Variants in RGS14 observed in about 807,000 individuals in gnomAD.
RGS14 encodes regulator of G-protein signaling 14.
Under a neutral mutation model 63.8 loss-of-function variants are expected in RGS14, and 33 were observed. The ratio of observed to expected loss-of-function variants is 0.52; its 90% CI spans 0.39 to 0.69. RGS14 has a LOEUF of 0.69. RGS14 is among the 30% of genes least tolerant of loss of function. The probability of loss-of-function intolerance (pLI) is 0.00; values close to 1 mark genes in which losing one functional copy is unlikely to be tolerated. For synonymous variants in RGS14, 296 were observed against 320.9 expected (o/e 0.92, Z 0.83); for missense variants, 739 against 742.9 (o/e 0.99, Z 0.06).
intron 5 of RGS14, 163 bp from the exon 6 acceptor site, chr5:177,367,251 G>C (rs933206583): frequency 8.7e-7 from 1 of 1,146,280 alleles, no homozygotes; most frequent in Non-Finnish European, 1.2e-6. Context: ...CTCGGGGCGG[G>C]CTTGGACCCC....
chr5:177,366,102 C>A (rs2127330652), intron 2 of RGS14, 75 bp from the exon 3 acceptor site: 6 of 1,575,856 alleles, frequency 3.8e-6, no homozygotes, highest in South Asian at 3.3e-5. Context: ...AGAGTGGATG[C>A]ATGGGGGAGG....
rs1377061992 is a variant in RGS14 at position 177,368,260 on chromosome 5, A to C, written c.843A>C (p.Lys281Asn). 1 of 1,611,372 alleles carries C rather than the reference A, an allele frequency of 6.2e-7. No individual in the cohort carries two copies. Among genetic ancestry groups the C allele is most frequent in the Non-Finnish European group, 8.5e-7 (1 of 1,178,170 alleles). ...DLGFLAFVSSKSESHRKSLGS... is the reference protein window; with the variant it reads ...DLGFLAFVSSNSESHRKSLGS... Reference sequence around the variant, plus strand: ...GCTTCCTAGCCTTCGTCAGCAGCAAATCTGAGGTGAGCCGACTGTTGGGGA... The same window carrying C: ...GCTTCCTAGCCTTCGTCAGCAGCAACTCTGAGGTGAGCCGACTGTTGGGGA... The change falls in exon 8 of 15, where the codon AAA becomes AAC. Residue 281 changes from lysine (K) to asparagine (N), a missense_variant. Physicochemically the swap from Lys to Asn is moderately conservative, Grantham distance 94. Coordinates refer to ENST00000408923, the MANE Select transcript of RGS14 (RefSeq NM_006480.5).
At chr5:177,369,939 C>T (rs575881468) in intron 9 of RGS14, among the ~76,000 whole-genome samples, 15 of 152,364 alleles carry the variant, frequency 9.8e-5, no homozygotes, top group Admixed American at 2.6e-4. Context: ...ACCCCCACAT[C>T]AGGCTGGAGC....
chr5:177,368,331 C>CGTG, intron 8 of RGS14, 65 bp downstream of exon 8: 1 of 1,480,040 alleles, frequency 6.8e-7, no homozygotes, highest in Non-Finnish European at 9.1e-7. Flanking sequence ...GGCCCATTTA[C>CGTG]GTGGTGGCCC....
rs1436188653 is a variant in RGS14, at chr5:177,370,596, G to A, written c.1059G>A (p.Leu353=). The A allele has an allele frequency of 5.6e-6, 9 of 1,613,858 alleles. No individual in the cohort carries two copies. Among genetic ancestry groups the A allele is most frequent in the Non-Finnish European group, 7.6e-6 (9 of 1,179,924 alleles). The change falls in exon 10 of 15, where the codon CTG becomes CTA. Residue 353 remains leucine (L), a synonymous_variant. Transcript: ENST00000408923. ...CTGCCTGGCATCCACAGAAGGCCCT[G>A]GTCCTGGATCAGGACTGCACCGTGC... ...KVYLVGNEQA[L]VLDQDCTVLA... is the part of the protein sequence containing the mutation.
chr5:177,362,991 G>A (rs1195522450), intron 1 of RGS14, among the ~76,000 whole-genome samples: 1 of 152,192 alleles, frequency 6.6e-6, no homozygotes, highest in East Asian at 1.9e-4. Context: ...GAGGAGGGCA[G>A]GGCCAAGCAG....
At chr5:177,360,994 T>G (rs1239704256) in intron 1 of RGS14, among the ~76,000 whole-genome samples, 1 of 152,204 alleles carries the variant, frequency 6.6e-6, no homozygotes, top group Admixed American at 6.5e-5. Context: ...GGCCTGGCTG[T>G]GGGCAAACAC....
chr5:177,369,366 T>C (rs1762185586), intron 9 of RGS14, among the ~76,000 whole-genome samples: 1 of 152,202 alleles, frequency 6.6e-6, no homozygotes, highest in Admixed American at 6.5e-5. Flanking sequence ...GAAAACTGGC[T>C]TTAAAGGAAA....
rs1761949938 is a variant in RGS14, at chr5:177,360,861, C to CTGG, written c.45+2792_45+2793insTGG. 5.9e-5 allele frequency among the ~76,000 whole-genome samples: 9 copies of CTGG among 152,270 alleles called. No individual in the cohort carries two copies. The South Asian group carries it at 1.9e-3, about 32-fold the overall frequency. On this transcript the variant is annotated intron_variant, in intron 1 of 14. Transcript: ENST00000408923. ...CTGGGAGGCAGAGGTTGCAGTGAGC[C>CTGG]GAGTTCGTGCTACTGCACTCCAGCC... is the stretch of plus-strand genomic sequence containing the variant.
At chr5:177,368,419 A>G (rs1762161034) in intron 8 of RGS14, among the ~76,000 whole-genome samples, 153 bp downstream of exon 8, 1 of 152,120 alleles carries the variant, frequency 6.6e-6, no homozygotes, top group Non-Finnish European at 1.5e-5. Context: ...TACTTGTCTC[A>G]CTACATTGGT....
rs748050483 is a variant in RGS14, at chr5:177,371,046, CGCGGGGCGGG to C, written c.1254+28_1254+37del. On this transcript the variant is annotated intron_variant, in intron 11 of 14. Coordinates refer to ENST00000408923, the MANE Select transcript of RGS14 (RefSeq NM_006480.5). This position sits in a 1 kb window ranked among gnomAD's most constrained non-coding sequence, Gnocchi z 6.1. ...TGCTGCACCGGGTGAGCTTCCGGGC[CGCGGGGCGGG>C]GCGGGGCGGGGCCGGGCCGGGGCCG... is the stretch of plus-strand genomic sequence containing the variant. 1.2e-5 allele frequency: 16 copies of C among 1,357,706 alleles called. No homozygotes were observed. In the African/African-American group the frequency reaches 1.4e-4, roughly 12 times the overall value. 84.1% of individuals were successfully genotyped at this position (1,357,706 alleles called of 1,614,324 possible).
At position 177,371,243 on chromosome 5, in the gene RGS14, C is replaced by A; in HGVS notation, c.1333C>A (p.Pro445Thr). ...CCAGAGACTGGTTTTGGACACTCTT[C>A]CAGGTAGGGGACGCTGGCCTCGGGG... ...AAQRLVLDTLPGVKISKARDK... is the reference protein window; with the variant it reads ...AAQRLVLDTLTGVKISKARDK... Residue 445 changes from proline to threonine, a missense_variant, in exon 12 of 15, where the codon CCA becomes ACA. By Grantham distance (38) the Pro-to-Thr change is conservative. Transcript: ENST00000408923. The surrounding 1 kb of genome is among the most constrained non-coding windows in gnomAD (Gnocchi z 6.1). 1 of 1,614,030 alleles carries A rather than the reference C, an allele frequency of 6.2e-7. No homozygotes were observed. Among genetic ancestry groups the A allele is most frequent in the Non-Finnish European group, 8.5e-7 (1 of 1,179,960 alleles).
At chr5:177,362,604 G>C (rs1472531730) in intron 1 of RGS14, among the ~76,000 whole-genome samples, 1 of 152,202 alleles carries the variant, frequency 6.6e-6, no homozygotes, top group South Asian at 2.1e-4. Flanking sequence ...CCCAGGCACT[G>C]GCAATGGCAA....
chr5:177,368,687 A>G (rs761500064), intron 8 of RGS14, 30 bp from the exon 9 acceptor site: 8 of 1,611,082 alleles, frequency 5.0e-6, no homozygotes, highest in Admixed American at 1.7e-5. Context: ...ATGTGTACAC[A>G]TAATCTCCCC....
At chr5:177,368,119 C>A (rs756772801) in intron 7 of RGS14, 38 bp from the exon 8 acceptor site, 6 of 1,601,162 alleles carry the variant, frequency 3.7e-6, no homozygotes, top group Non-Finnish European at 5.1e-6. Flanking sequence ...TGGGTGAGGG[C>A]GGGGGGCTGT....
In RGS14 at chr5:177,371,635, G is replaced by A. The variant is rs373595502; in HGVS notation, c.1498+46G>A. The A allele has an allele frequency of 1.3e-6, 2 of 1,568,878 alleles. No individual in the cohort carries two copies. Among genetic ancestry groups the A allele is most frequent in the Non-Finnish European group, 1.8e-6 (2 of 1,139,596 alleles). ...GGATCAGAAAGACTAGGGCAGTGGG[G>A]TTGGGGACCATTCAGGGTGGCATCA... On this transcript the variant is annotated intron_variant, in intron 14 of 14. Coordinates refer to ENST00000408923, the MANE Select transcript of RGS14 (RefSeq NM_006480.5). The surrounding 1 kb of genome is among the most constrained non-coding windows in gnomAD (Gnocchi z 6.1).
Position 177,372,068 on chromosome 5 carries a change from C to T in RGS14, c.1694C>T (p.Ala565Val), listed in dbSNP as rs1451018728. Residue 565 changes from alanine to valine, a missense_variant, in exon 15 of 15, where the codon GCC (alanine) becomes GTC (valine). By Grantham distance (64) the Ala-to-Val change is moderately conservative. Transcript: ENST00000408923. Reference protein sequence around the residue: ...GGSLNSTTDSAL With the variant: ...GGSLNSTTDSVL ...TCCTTGAACTCCACCACCGACTCAG[C>T]CCTCTGACAGCTACCCAACAGTCCA... is the stretch of plus-strand genomic sequence containing the variant. The T allele has an allele frequency of 5.6e-6, 9 of 1,613,644 alleles. No individual in the cohort carries two copies. In the East Asian group the frequency reaches 8.9e-5, roughly 16 times the overall value.
chr5:177,367,005 C>T lies in RGS14; in HGVS notation c.454C>T (p.Pro152Ser), dbSNP rs1396266326. 6.2e-7 allele frequency: 1 copy of T among 1,612,318 alleles called. No homozygotes were observed. Among genetic ancestry groups the T allele is most frequent in the East Asian group, 2.2e-5 (1 of 44,880 alleles). The stretch of plus-strand genomic sequence containing the variant: ...CGAGGAGGTGCTGGCCGAGCCCCGG[C>T]CGGACATGTTTCGGGCACAGCAGCT... ...LGEEVLAEPR[P>S]DMFRAQQLQI... Residue 152 changes from proline (P) to serine (S), a missense_variant, in exon 5 of 15, where the codon CCG becomes TCG. Transcript: ENST00000408923.
At chr5:177,366,154 C>A (rs373735568) in intron 2 of RGS14, 23 bp from the exon 3 acceptor site, 11 of 1,600,306 alleles carry the variant, frequency 6.9e-6, no homozygotes, top group Non-Finnish European at 9.4e-6. Context: ...AAGGCTCACC[C>A]CAACTTGTCC....
Sources: allele counts gnomAD v4.1 joint callset (sites outside exome capture counted in the v4.1 genomes callset), GRCh38; gene constraint gnomAD v4.1.1; non-coding constraint Gnocchi (gnomAD v3.1); transcripts MANE v1.5; gene names NCBI Gene and HGNC (gene_info 2026-07-23, HGNC 2026-07-21).